The following SLC9C2 variants were observed in gnomAD, a reference collection of about 807,000 sequenced individuals.
SLC9C2 encodes solute carrier family 9 member C2 (putative).
Under a neutral mutation model 140.2 loss-of-function variants are expected in SLC9C2, and 75 were observed. That is an observed-to-expected ratio of 0.53 (90% confidence interval 0.44 to 0.65). The LOEUF is 0.65. SLC9C2 is among the 30% of genes least tolerant of loss of function. SLC9C2 has a pLI of 0.00. For synonymous variants in SLC9C2, 375 were observed against 420.9 expected (o/e 0.89, Z 1.34); for missense variants, 1,074 against 1,331.8 (o/e 0.81, Z 3.01).
At chr1:173,514,484 T>A (rs759750684) in intron 23 of SLC9C2, among the ~76,000 whole-genome samples, 5 of 152,156 alleles carry the variant, frequency 3.3e-5, no homozygotes, top group African/African-American at 4.8e-5. Context: ...CCTGCTTTTT[T>A]TTTGTTTGTT....
chr1:173,581,044 G>A (rs1052377949), intron 7 of SLC9C2, among the ~76,000 whole-genome samples: 6 of 152,194 alleles, frequency 3.9e-5, no homozygotes, highest in African/African-American at 1.4e-4. Flanking sequence ...TAATTTTACT[G>A]ATTCAGGGCA....
rs1659223364 is a variant in SLC9C2, at chr1:173,500,958, G to GT, written c.*135dup. The GT allele has an allele frequency of 9.7e-7, 1 of 1,031,608 alleles. No individual in the cohort carries two copies. The highest frequency in any genetic ancestry group is 3.5e-5 in the South Asian group (1 of 28,814). 63.9% of individuals were successfully genotyped at this position (1,031,608 alleles called of 1,614,324 possible). ...TATAAACTAAATGCAGCAGTAACCT[G>GT]TTTCAGTAGCTTCTAAGTAAACTCC... On this transcript the variant is annotated 3_prime_UTR_variant, in exon 28 of 28. Coordinates refer to ENST00000367714, the MANE Select transcript of SLC9C2 (RefSeq NM_178527.4).
At position 173,547,679 on chromosome 1, in the gene SLC9C2, C is replaced by T. The variant is rs1367893908; in HGVS notation, c.1557+10G>A. The T allele has an allele frequency of 2.6e-5, 41 of 1,598,990 alleles. No homozygotes were observed. Among genetic ancestry groups the T allele is most frequent in the Non-Finnish European group, 3.1e-5 (36 of 1,167,880 alleles). ...AGGAAATTTTAAAACATTATGTGAA[C>T]AGCACCAACCATTTGTATTGCAGCT... On this transcript the variant is annotated intron_variant, in intron 13 of 27. Coordinates refer to ENST00000367714, the MANE Select transcript of SLC9C2 (RefSeq NM_178527.4).
intron 23 of SLC9C2, among the ~76,000 whole-genome samples, chr1:173,517,024 G>T (rs915979412): frequency 6.6e-6 from 1 of 152,108 alleles, no homozygotes; most frequent in Admixed American, 6.5e-5. Flanking sequence ...GTGTGAGATG[G>T]TATCTCATTG....
intron 4 of SLC9C2, among the ~76,000 whole-genome samples, chr1:173,589,303 T>C (rs1666026932): frequency 6.6e-6 from 1 of 152,112 alleles, no homozygotes; most frequent in Admixed American, 6.5e-5. Context: ...ATGCCTGTAA[T>C]CCCAACACTT....
chr1:173,588,671 T>C (rs1429510578), intron 4 of SLC9C2, among the ~76,000 whole-genome samples: 1 of 152,216 alleles, frequency 6.6e-6, no homozygotes, highest in East Asian at 1.9e-4. Flanking sequence ...TGTGCCAAAA[T>C]TTGTGTGGAA....
intron 13 of SLC9C2, among the ~76,000 whole-genome samples, chr1:173,546,866 C>T (rs993286557): frequency 6.6e-6 from 1 of 151,956 alleles, no homozygotes; most frequent in Non-Finnish European, 1.5e-5. Flanking sequence ...TTTAAAAATA[C>T]TTTAAAATTT....
intron 4 of SLC9C2, among the ~76,000 whole-genome samples, chr1:173,588,853 T>C (rs1666001156): frequency 1.3e-5 from 2 of 151,858 alleles, no homozygotes; most frequent in South Asian, 4.2e-4. Context: ...CAGGAGGATA[T>C]CTTGAGTTCA....
intron 13 of SLC9C2, among the ~76,000 whole-genome samples, chr1:173,544,873 G>C (rs546970089): frequency 6.6e-6 from 1 of 152,294 alleles, no homozygotes; most frequent in African/African-American, 2.4e-5. Flanking sequence ...AGGGCGATGG[G>C]GGAGGGATAG....
chr1:173,529,417 G>C (rs1661414530), intron 18 of SLC9C2, among the ~76,000 whole-genome samples: 2 of 151,998 alleles, frequency 1.3e-5, no homozygotes, highest in Non-Finnish European at 2.9e-5. Context: ...TTACAGCATA[G>C]TGGCTGGAAA....
chr1:173,583,100 T>C (rs1571613943), intron 6 of SLC9C2, among the ~76,000 whole-genome samples: 1 of 152,332 alleles, frequency 6.6e-6, no homozygotes, highest in East Asian at 1.9e-4. Flanking sequence ...CCCCTTTGGA[T>C]ACCAAAATCT....
At chr1:173,576,878 A>C (rs1665214840) in intron 7 of SLC9C2, 118 bp from the exon 8 acceptor site, 2 of 704,056 alleles carry the variant, frequency 2.8e-6, no homozygotes, top group Non-Finnish European at 4.5e-6. Flanking sequence ...AGTTCTTAGA[A>C]GGTTGCTTCA....
chr1:173,514,662 G>A (rs1343120616), intron 23 of SLC9C2, among the ~76,000 whole-genome samples: 1 of 152,158 alleles, frequency 6.6e-6, no homozygotes, highest in East Asian at 1.9e-4. Context: ...ATATTGTTAT[G>A]TGTGAATTTG....
intron 7 of SLC9C2, 36 bp from the exon 8 acceptor site, chr1:173,576,796 A>T: frequency 7.9e-7 from 1 of 1,265,856 alleles, no homozygotes; most frequent in Non-Finnish European, 1.1e-6. Flanking sequence ...ATCAAATGCA[A>T]TGTATTCATA....
At chr1:173,518,263 A>G (rs933103356) in intron 22 of SLC9C2, among the ~76,000 whole-genome samples, 11 of 111,738 alleles carry the variant, frequency 9.8e-5, no homozygotes, top group Non-Finnish European at 1.8e-4. Context: ...CTCCATCTCA[A>G]AGAAAAAAAA....
intron 21 of SLC9C2, among the ~76,000 whole-genome samples, chr1:173,523,134 G>A (rs1163438347): frequency 6.6e-6 from 1 of 152,118 alleles, no homozygotes; most frequent in Non-Finnish European, 1.5e-5. Context: ...CACTTTGGGA[G>A]GCCAAGGCGG....
At chr1:173,526,823 T>A (rs1661235645) in intron 18 of SLC9C2, 109 bp from the exon 19 acceptor site, 1 of 759,082 alleles carries the variant, frequency 1.3e-6, no homozygotes. Flanking sequence ...ATACTTATTA[T>A]ACCAAGTATA....
chr1:173,574,239 T>A (rs1303516439), intron 8 of SLC9C2, among the ~76,000 whole-genome samples: 1 of 152,208 alleles, frequency 6.6e-6, no homozygotes, highest in Non-Finnish European at 1.5e-5. Context: ...CCACAAACCA[T>A]TCTCCTTACA....
chr1:173,520,481 T>C (rs896228860), intron 22 of SLC9C2, among the ~76,000 whole-genome samples: 1 of 152,196 alleles, frequency 6.6e-6, no homozygotes, highest in Non-Finnish European at 1.5e-5. Flanking sequence ...CTTTTATCCC[T>C]CTACTAGAAA....
Sources: allele counts gnomAD v4.1 joint callset (sites outside exome capture counted in the v4.1 genomes callset), GRCh38; gene constraint gnomAD v4.1.1; transcripts MANE v1.5; gene names NCBI Gene and HGNC (gene_info 2026-07-23, HGNC 2026-07-21).